The following HDAC7 variants were observed in gnomAD, a reference collection of about 807,000 sequenced individuals.
HDAC7 encodes histone deacetylase 7, also known as histone deacetylase 7A.
In HDAC7, 26 loss-of-function variants were observed where a neutral mutation model predicts 115.5. The ratio of observed to expected loss-of-function variants is 0.23; its 90% CI spans 0.16 to 0.31. The LOEUF is 0.31. Among genes scored for constraint, HDAC7 ranks in the 10% least tolerant of loss-of-function variants. The pLI, the probability that HDAC7 is intolerant of heterozygous loss-of-function variation, is 1.00. For synonymous variants in HDAC7, 564 were observed against 550.9 expected (o/e 1.02, Z -0.33); for missense variants, 1,068 against 1,329.0 (o/e 0.80, Z 3.05).
rs139086932 is a variant in HDAC7 at position 47,797,033 on chromosome 12, G to A, written c.687C>T (p.Pro229=). The A allele has an allele frequency of 3.4e-4, 537 of 1,572,782 alleles. No homozygotes were observed. The highest frequency in any genetic ancestry group is 4.1e-4 in the Non-Finnish European group (482 of 1,162,686). Residue 229 remains proline (P), a synonymous_variant, in exon 7 of 26, where the codon CCC becomes CCT. Transcript: ENST00000080059. The surrounding 1 kb of genome is among the most constrained non-coding windows in gnomAD (Gnocchi z 5.5). ...GGCCCTCACCTCCGAGGGTCTCTGC[G>A]GGCCGCCGCCGGAGGCTGGGGGGCG... ...ESAPPSLRRR[P]AETLGDSSPS...
At chr12:47,807,912 C>T (rs891084340) in intron 1 of HDAC7, among the ~76,000 whole-genome samples, 5 of 152,244 alleles carry the variant, frequency 3.3e-5, no homozygotes, top group African/African-American at 1.2e-4. Flanking sequence ...TCTAGAAGCT[C>T]CCAAGTCCCT....
At position 47,794,825 on chromosome 12, in the gene HDAC7, G is replaced by A. The variant is rs1336133449; in HGVS notation, c.1393C>T (p.His465Tyr). ...GGCTGCCCATGGCCCAGCTCCCTGT[G>A]CTCCAGGCCATCGTCCACCACCTGG... Reference protein sequence around the residue: ...PGQVVDDGLEHRELGHGQPEA... With the variant: ...PGQVVDDGLEYRELGHGQPEA... The change falls in exon 12 of 26, where the codon CAC becomes TAC. Residue 465 changes from histidine to tyrosine, a missense_variant. Transcript: ENST00000080059. 1 of 1,613,100 alleles carries A rather than the reference G, an allele frequency of 6.2e-7. No individual in the cohort carries two copies. Among genetic ancestry groups the A allele is most frequent in the Non-Finnish European group, 8.5e-7 (1 of 1,179,926 alleles).
chr12:47,791,807 C>CCCCCCCCCCCCCCCCTT, intron 14 of HDAC7, 64 bp downstream of exon 14: 2 of 1,532,682 alleles, frequency 1.3e-6, no homozygotes, highest in Admixed American at 1.9e-5. Flanking sequence ...CAGGGCCCCC[C>CCCCCCCCCCCCCCCCTT]ACCCCTCCCC....
chr12:47,789,880 T>A lies in HDAC7; in HGVS notation c.2024A>T (p.Asn675Ile), dbSNP rs192475049. 126 of 1,613,702 alleles carry A rather than the reference T, an allele frequency of 7.8e-5. No homozygotes were observed. Among genetic ancestry groups the A allele is most frequent in the Non-Finnish European group, 1.1e-4 (124 of 1,179,988 alleles). Residue 675 changes from asparagine (N) to isoleucine (I), a missense_variant, in exon 17 of 26, where the codon AAT (asparagine) becomes ATT (isoleucine). By Grantham distance (149) the Asn-to-Ile change is moderately radical. Around this residue, in one of 6 missense-constraint regions of HDAC7, gnomAD observed 182 missense variants for 301.1 expected, o/e 0.60. Coordinates refer to ENST00000080059, the MANE Select transcript of HDAC7 (RefSeq NM_015401.5). ...ACTGCCAGCGGCCCAGCGGGCTGCATTGGAGGAATGAAGCTCATTCCAGAT... is the reference window on the plus strand; with the variant it reads ...ACTGCCAGCGGCCCAGCGGGCTGCAATGGAGGAATGAAGCTCATTCCAGAT... ...DTIWNELHSS[N>I]AARWAAGSVT...
At position 47,795,369 on chromosome 12, in the gene HDAC7, C is replaced by A; in HGVS notation, c.1099G>T (p.Gly367Trp). ...HAPLLTVPGL[G>W]PLPFHFAQSL... is the part of the protein sequence containing the mutation. The stretch of plus-strand genomic sequence containing the variant: ...TGGGCAAAGTGGAAGGGCAAGGGCC[C>A]AAGCCCGGGCACTGGAAAGAATCGG... Residue 367 changes from glycine (G) to tryptophan (W), a missense_variant, in exon 11 of 26, where the codon GGG becomes TGG. Physicochemically the swap from Gly to Trp is radical, Grantham distance 184. Around this residue, in one of 6 missense-constraint regions of HDAC7, gnomAD observed 618 missense variants for 701.5 expected, o/e 0.88. Coordinates refer to ENST00000080059, the MANE Select transcript of HDAC7 (RefSeq NM_015401.5). This position sits in a 1 kb window ranked among gnomAD's most constrained non-coding sequence, Gnocchi z 4.3. The A allele has an allele frequency of 6.3e-7, 1 of 1,597,750 alleles. No homozygotes were observed.
chr12:47,787,930 G>A (rs1464859596), intron 20 of HDAC7, 115 bp downstream of exon 20: 7 of 1,555,404 alleles, frequency 4.5e-6, no homozygotes, highest in Non-Finnish European at 6.1e-6. Flanking sequence ...GGAAGTTTAG[G>A]ATCAGAGAGG....
intron 2 of HDAC7, 90 bp downstream of exon 2, chr12:47,802,134 C>G (rs926058476): frequency 1.4e-6 from 2 of 1,389,446 alleles, no homozygotes; most frequent in Admixed American, 2.0e-5. Context: ...GACCCTGCTT[C>G]TCTAACCCCT....
At chr12:47,810,645 A>G (rs976970309) in intron 1 of HDAC7, among the ~76,000 whole-genome samples, 3 of 152,186 alleles carry the variant, frequency 2.0e-5, no homozygotes, top group Non-Finnish European at 4.4e-5. Context: ...CCAGCAGGGT[A>G]TAACTAAACA....
chr12:47,812,429 C>T (rs573687191), intron 1 of HDAC7, among the ~76,000 whole-genome samples: 4 of 152,334 alleles, frequency 2.6e-5, no homozygotes, highest in African/African-American at 9.6e-5. Flanking sequence ...GATGAATATT[C>T]AGTGAGCCCT....
chr12:47,813,142 G>C (rs1007602984), intron 1 of HDAC7: 1 of 152,200 alleles, frequency 6.6e-6, no homozygotes, highest in African/African-American at 2.4e-5. Flanking sequence ...AAACAAGGCT[G>C]CTGCTATTTT....
chr12:47,811,183 A>G (rs2137055477), intron 1 of HDAC7, among the ~76,000 whole-genome samples: 2 of 152,290 alleles, frequency 1.3e-5, no homozygotes, highest in South Asian at 4.1e-4. Flanking sequence ...GTGCCCTAGA[A>G]TCCCCCTCCT....
At chr12:47,800,565 T>C (rs545058650) in intron 2 of HDAC7, among the ~76,000 whole-genome samples, 37 of 152,292 alleles carry the variant, frequency 2.4e-4, no homozygotes, top group African/African-American at 8.4e-4. Context: ...CTTGTTCACA[T>C]TGCCTCCCAA....
intron 2 of HDAC7, among the ~76,000 whole-genome samples, chr12:47,799,495 C>T (rs1406080283): frequency 2.6e-5 from 4 of 152,234 alleles, no homozygotes; most frequent in Non-Finnish European, 5.9e-5. Flanking sequence ...GCCACCCTCC[C>T]ATGCTCTATC....
chr12:47,793,509 G>A lies in HDAC7; in HGVS notation c.1538C>T (p.Ala513Val), dbSNP rs139496736. Reference protein sequence around the residue: ...STGDTVLLPLAQGGHRPLSRA... With the variant: ...STGDTVLLPLVQGGHRPLSRA... ...GGACAGAGGCCGGTGCCCACCCTGG[G>A]CCAGAGGAAGCAGCACAGTGTCCCC... is the stretch of plus-strand genomic sequence containing the variant. Residue 513 changes from alanine to valine, a missense_variant, in exon 13 of 26, where the codon GCC becomes GTC. Physicochemically the swap from Ala to Val is moderately conservative, Grantham distance 64 (BLOSUM62 0). Around this residue, in one of 6 missense-constraint regions of HDAC7, gnomAD observed 618 missense variants for 701.5 expected, o/e 0.88. Coordinates refer to ENST00000080059, the MANE Select transcript of HDAC7 (RefSeq NM_015401.5). This position sits in a 1 kb window ranked among gnomAD's most constrained non-coding sequence, Gnocchi z 4.5. 1 of 1,548,878 alleles carries A rather than the reference G, an allele frequency of 6.5e-7. No individual in the cohort carries two copies. The highest frequency in any genetic ancestry group is 1.2e-5 in the South Asian group (1 of 84,082).
chr12:47,785,598 C>CCTAA, intron 23 of HDAC7, 127 bp from the exon 24 acceptor site: 2 of 1,380,386 alleles, frequency 1.4e-6, no homozygotes, highest in Non-Finnish European at 2.0e-6. Flanking sequence ...GCTGCCTGGA[C>CCTAA]CTAACTTGGA....
intron 2 of HDAC7, among the ~76,000 whole-genome samples, chr12:47,799,794 A>G (rs1944074335): frequency 6.6e-6 from 1 of 152,252 alleles, no homozygotes; most frequent in South Asian, 2.1e-4. Context: ...CCATGCCAGC[A>G]TAGCCAGCTG....
chr12:47,796,932 C>A, intron 7 of HDAC7, 85 bp downstream of exon 7: 2 of 1,439,374 alleles, frequency 1.4e-6, no homozygotes, highest in South Asian at 2.9e-5. Flanking sequence ...AAGGAGGGGA[C>A]CCCTGTCTAG....
chr12:47,818,224 A>G (rs1944905157), intron 1 of HDAC7, among the ~76,000 whole-genome samples: 1 of 152,084 alleles, frequency 6.6e-6, no homozygotes, highest in South Asian at 2.1e-4. Flanking sequence ...AGAACACTGC[A>G]CCAGGACCAT....
rs982362852 is a variant in HDAC7, at chr12:47,794,345, G to A, written c.1458+415C>T. ...GCCCAGCCTGTATCCCAACAGCTCC[G>A]GCAAGCTAATGCACTGGGTCTTGAT... On this transcript the variant is annotated intron_variant, in intron 12 of 25. Coordinates refer to ENST00000080059, the MANE Select transcript of HDAC7 (RefSeq NM_015401.5). Among the ~76,000 whole-genome samples the A allele has an allele frequency of 8.5e-5, 13 of 152,228 alleles. 1 individual carries two copies. The highest frequency in any genetic ancestry group is 6.2e-4 in the South Asian group (3 of 4,832).
Sources: gnomAD v4.1 joint callset for allele counts (sites outside exome capture counted in the v4.1 genomes callset) on GRCh38, gnomAD v4.1.1 for gene constraint, gnomAD v4.1.1 regional missense constraint, Gnocchi (gnomAD v3.1) non-coding constraint, MANE v1.5 for transcripts, NCBI Gene and HGNC (gene_info 2026-07-23, HGNC 2026-07-21) for gene names.